Variants in TMPRSS15 observed in about 807,000 individuals in gnomAD.
TMPRSS15 encodes enteropeptidase.
TMPRSS15 carries 128 observed loss-of-function variants against 125.3 expected under a neutral mutation model. That is an observed-to-expected ratio of 1.02 (90% CI 0.89 to 1.18). The LOEUF (loss-of-function observed/expected upper bound fraction) is 1.18, where lower values mean the gene tolerates loss of function less well. TMPRSS15 is among the 50% of genes most tolerant of loss of function. The probability of loss-of-function intolerance (pLI) is 0.00; values close to 1 mark genes in which losing one functional copy is unlikely to be tolerated. For missense variants in TMPRSS15, 1,283 were observed against 1,212.7 expected (o/e 1.06, Z -0.86); for synonymous variants, 446 against 423.2 (o/e 1.05, Z -0.66).
chr21:18,484,130 TTTAG>T (rs1979034543), intron 1 of TMPRSS15, among the ~76,000 whole-genome samples: 2 of 152,018 alleles, frequency 1.3e-5, no homozygotes, highest in South Asian at 4.1e-4. Context: ...CCACAATCTA[TTTAG>T]TTATTCTTAG....
chr21:18,322,943 C>T (rs1011950600), intron 16 of TMPRSS15, among the ~76,000 whole-genome samples: 13 of 152,014 alleles, frequency 8.6e-5, no homozygotes, highest in African/African-American at 2.2e-4. Flanking sequence ...TTCCCAGATT[C>T]GATGATTATA....
intron 10 of TMPRSS15, among the ~76,000 whole-genome samples, chr21:18,351,194 C>G (rs780521672): frequency 7.2e-5 from 11 of 152,198 alleles, no homozygotes; most frequent in Middle Eastern, 3.4e-3. Context: ...CGTAATTGGT[C>G]ATTAATACCA....
chr21:18,340,532 T>C (rs2075435848), intron 13 of TMPRSS15, among the ~76,000 whole-genome samples: 1 of 152,182 alleles, frequency 6.6e-6, no homozygotes, highest in African/African-American at 2.4e-5. Context: ...AAAAACTCTG[T>C]TTCATATACA....
chr21:18,345,559 G>A (rs1376373393), intron 10 of TMPRSS15, among the ~76,000 whole-genome samples: 10 of 149,160 alleles, frequency 6.7e-5, no homozygotes, highest in South Asian at 6.5e-4. Context: ...GGCTAACACG[G>A]CGAAACCCCG....
chr21:18,296,989 C>A (rs553102098), intron 19 of TMPRSS15, among the ~76,000 whole-genome samples: 1 of 152,246 alleles, frequency 6.6e-6, no homozygotes, highest in South Asian at 2.1e-4. Flanking sequence ...AATATACCAG[C>A]AAAGCATCTT....
chr21:18,427,696 C>G (rs1310128290), intron 1 of TMPRSS15, among the ~76,000 whole-genome samples: 3 of 152,158 alleles, frequency 2.0e-5, no homozygotes, highest in Non-Finnish European at 2.9e-5. Flanking sequence ...AATCATTCTT[C>G]TAACCAGGAA....
intron 18 of TMPRSS15, among the ~76,000 whole-genome samples, chr21:18,311,511 A>G (rs1289804492): frequency 1.3e-5 from 2 of 152,206 alleles, no homozygotes; most frequent in Admixed American, 1.3e-4. Context: ...TAATTACTAG[A>G]GAAATGCAAA....
intron 1 of TMPRSS15, among the ~76,000 whole-genome samples, chr21:18,440,511 G>A (rs1336110757): frequency 1.3e-5 from 2 of 151,384 alleles, no homozygotes; most frequent in Admixed American, 6.6e-5. Flanking sequence ...TTCATAAATC[G>A]ATGTGTATCA....
Position 18,375,605 on chromosome 21 carries a change from G to A in TMPRSS15, c.533-3281C>T, listed in dbSNP as rs200167801. Among the ~76,000 whole-genome samples, 4 of 152,078 alleles carry A rather than the reference G, an allele frequency of 2.6e-5. No individual in the cohort carries two copies. In the East Asian group the frequency reaches 5.8e-4, roughly 22 times the overall value. Reference sequence around the variant, plus strand: ...ATATTAGGCATTATTAACTCAGTGGGAAAAAGTGCACTTGTTTTCTGTAAT... The same window carrying A: ...ATATTAGGCATTATTAACTCAGTGGAAAAAAGTGCACTTGTTTTCTGTAAT... On this transcript the variant is annotated intron_variant, in intron 5 of 24. Transcript: ENST00000284885.
intron 13 of TMPRSS15, among the ~76,000 whole-genome samples, chr21:18,337,091 G>A (rs938946197): frequency 2.0e-5 from 3 of 152,040 alleles, no homozygotes; most frequent in Non-Finnish European, 2.9e-5. Context: ...ACAGGGTTTC[G>A]CCATGTTGGC....
chr21:18,398,050 C>A (rs910721332), intron 2 of TMPRSS15, 104 bp from the exon 3 acceptor site: 28 of 1,227,808 alleles, frequency 2.3e-5, no homozygotes, highest in Non-Finnish European at 3.2e-5. Context: ...AGAGTTGGGG[C>A]AATTTTCTCC....
At chr21:18,450,384 C>T (rs1427025691) in intron 1 of TMPRSS15, among the ~76,000 whole-genome samples, 1 of 152,098 alleles carries the variant, frequency 6.6e-6, no homozygotes, top group African/African-American at 2.4e-5. Context: ...TTCAGTTTCA[C>T]ATGGCGATTT....
chr21:18,344,674 G>A (rs1203572979), intron 10 of TMPRSS15, among the ~76,000 whole-genome samples: 2 of 152,164 alleles, frequency 1.3e-5, no homozygotes, highest in African/African-American at 2.4e-5. Flanking sequence ...ACTGCATAAA[G>A]TGCTTGCTGG....
chr21:18,323,547 A>T (rs953250549), intron 16 of TMPRSS15, among the ~76,000 whole-genome samples: 1 of 152,152 alleles, frequency 6.6e-6, no homozygotes, highest in African/African-American at 2.4e-5. Context: ...TCAAGGTGAG[A>T]TCTGGGTGGG....
At chr21:18,319,363 CAGT>C (rs2075209209) in intron 16 of TMPRSS15, among the ~76,000 whole-genome samples, 1 of 149,828 alleles carries the variant, frequency 6.7e-6, no homozygotes, top group Non-Finnish European at 1.5e-5. Flanking sequence ...AGAGAATACG[CAGT>C]AGATAATATT....
chr21:18,460,269 G>A (rs2123273379), intron 1 of TMPRSS15, among the ~76,000 whole-genome samples: 1 of 152,142 alleles, frequency 6.6e-6, no homozygotes, highest in South Asian at 2.1e-4. Context: ...TGTAGTCTTA[G>A]CAGTAGGTTT....
intron 1 of TMPRSS15, among the ~76,000 whole-genome samples, chr21:18,444,458 G>C (rs535117946): frequency 6.6e-6 from 1 of 151,918 alleles, no homozygotes; most frequent in Non-Finnish European, 1.5e-5. Context: ...ACAGGGAGGG[G>C]AACATCCCAC....
chr21:18,403,598 A>G lies in TMPRSS15; in HGVS notation c.25T>C (p.Ser9Pro). The change falls in exon 1 of 25, where the codon TCT becomes CCT. Residue 9 changes from serine to proline, a missense_variant. By Grantham distance (74) the Ser-to-Pro change is moderately conservative. Transcript: ENST00000284885. Reference protein sequence around the residue: MGSKRGISSRHHSLSSYEI... With the variant: MGSKRGISPRHHSLSSYEI... ...TAGGAGCTGAGAGAATGATGCCTAG[A>G]AGATATGCCTCTTTTCGACCCCATT... 6.2e-7 allele frequency: 1 copy of G among 1,614,166 alleles called. No individual in the cohort carries two copies. The highest frequency in any genetic ancestry group is 8.5e-7 in the Non-Finnish European group (1 of 1,180,008).
At position 18,291,184 on chromosome 21, in the gene TMPRSS15, A is replaced by T. The variant is rs562652669; in HGVS notation, c.2486+3086T>A. Among the ~76,000 whole-genome samples the T allele has an allele frequency of 2.6e-5, 4 of 152,346 alleles. No individual in the cohort carries two copies. The South Asian group carries it at 8.3e-4, about 32-fold the overall frequency. Reference sequence around the variant, plus strand: ...TATCCTTATGAGCTTCCTACAGATGAGGAAACGGAAACTTAGAGATACTAA... The same window carrying T: ...TATCCTTATGAGCTTCCTACAGATGTGGAAACGGAAACTTAGAGATACTAA... On this transcript the variant is annotated intron_variant, in intron 21 of 24. Coordinates refer to ENST00000284885, the MANE Select transcript of TMPRSS15 (RefSeq NM_002772.3).
Sources: gnomAD v4.1 joint callset for allele counts (sites outside exome capture counted in the v4.1 genomes callset) on GRCh38, gnomAD v4.1.1 for gene constraint, MANE v1.5 for transcripts, NCBI Gene and HGNC (gene_info 2026-07-23, HGNC 2026-07-21) for gene names.